Variants in TSHZ2 observed in about 807,000 individuals in gnomAD.
The protein encoded by TSHZ2 is teashirt homolog 2.
A neutral mutation model predicts 74.4 loss-of-function variants in TSHZ2; 21 were observed. The ratio of observed to expected loss-of-function variants is 0.28; its 90% CI spans 0.20 to 0.41. The LOEUF (loss-of-function observed/expected upper bound fraction) is 0.41. Among genes scored for constraint, TSHZ2 ranks in the 10% least tolerant of loss-of-function variants. The pLI, the probability that TSHZ2 is intolerant of heterozygous loss-of-function variation, is 1.00. For missense variants in TSHZ2, 1,244 were observed against 1,293.5 expected (o/e 0.96, Z 0.59); for synonymous variants, 540 against 515.3 (o/e 1.05, Z -0.65).
intron 1 of TSHZ2, among the ~76,000 whole-genome samples, 198 bp from the exon 2 acceptor site, chr20:53,253,301 G>GAAAAA (rs11290209): frequency 9.2e-5 from 9 of 97,586 alleles, no homozygotes; most frequent in East Asian, 7.7e-4. Context: ...CCTGCCAATT[G>GAAAAA]AAAAAAAAAA....
At chr20:53,172,932 T>G (rs1435087365) in intron 1 of TSHZ2, among the ~76,000 whole-genome samples, 1 of 152,202 alleles carries the variant, frequency 6.6e-6, no homozygotes, top group African/African-American at 2.4e-5. Context: ...CTCTGTGGGT[T>G]TGAATCTACT....
At position 53,088,055 on chromosome 20, in the gene TSHZ2, T is replaced by C. The variant is rs555765201; in HGVS notation, c.40+114722T>C. ...ACCCCATGTCTGTCTTCAAGATGAA[T>C]TCAGCTTCCTGCTCTGTTGTCCCAT... On this transcript the variant is annotated intron_variant, in intron 1 of 2. Coordinates refer to ENST00000371497, the MANE Select transcript of TSHZ2 (RefSeq NM_173485.6). Among the ~76,000 whole-genome samples the C allele has an allele frequency of 3.9e-5, 6 of 152,360 alleles. No individual in the cohort carries two copies. In the South Asian group the frequency reaches 1.2e-3, roughly 32 times the overall value.
At chr20:53,458,952 T>C (rs1985231836) in intron 2 of TSHZ2, among the ~76,000 whole-genome samples, 1 of 152,230 alleles carries the variant, frequency 6.6e-6, no homozygotes, top group Admixed American at 6.5e-5. Context: ...TTCTGTTCTT[T>C]TACATTTGCT....
chr20:53,121,264 T>G (rs1986802414), intron 1 of TSHZ2, among the ~76,000 whole-genome samples: 1 of 152,188 alleles, frequency 6.6e-6, no homozygotes, highest in Admixed American at 6.5e-5. Flanking sequence ...TGTCTTCCTT[T>G]AGAACTCATA....
chr20:53,111,088 T>C (rs1173442633), intron 1 of TSHZ2, among the ~76,000 whole-genome samples: 1 of 152,008 alleles, frequency 6.6e-6, no homozygotes, highest in African/African-American at 2.4e-5. Context: ...AGGCAGGAGA[T>C]AAAGATTCAA....
chr20:53,175,236 G>A (rs1230877754), intron 1 of TSHZ2, among the ~76,000 whole-genome samples: 1 of 141,130 alleles, frequency 7.1e-6, no homozygotes, highest in Admixed American at 7.5e-5. Flanking sequence ...CCTCTTCCCA[G>A]GTTAAAGCAA....
Position 53,254,744 on chromosome 20 carries a change from T to G in TSHZ2, c.1286T>G (p.Met429Arg). ...TTAGACCCGTTAGCAGTGGAGAAAATGCAGTCGTTGTCTGAGGCCCCAAAC... is the reference window on the plus strand; with the variant it reads ...TTAGACCCGTTAGCAGTGGAGAAAAGGCAGTCGTTGTCTGAGGCCCCAAAC... The part of the protein sequence containing the change: ...LVLDPLAVEK[M>R]QSLSEAPNSD... Residue 429 changes from methionine (M) to arginine (R), a missense_variant, in exon 2 of 3, where the codon ATG (methionine) becomes AGG (arginine). Around this residue, in one of 6 missense-constraint regions of TSHZ2, gnomAD observed 562 missense variants for 544.0 expected, o/e 1.03. Coordinates refer to ENST00000371497, the MANE Select transcript of TSHZ2 (RefSeq NM_173485.6). The G allele has an allele frequency of 6.2e-7, 1 of 1,613,444 alleles. No homozygotes were observed. Among genetic ancestry groups the G allele is most frequent in the African/African-American group, 1.3e-5 (1 of 74,960 alleles).
chr20:53,431,528 A>G (rs1461619762), intron 2 of TSHZ2, among the ~76,000 whole-genome samples: 1 of 152,078 alleles, frequency 6.6e-6, no homozygotes, highest in Non-Finnish European at 1.5e-5. Flanking sequence ...TAGTAATAAT[A>G]ACAATCCCTA....
At chr20:53,067,488 TTCTC>T (rs1345443417) in intron 1 of TSHZ2, among the ~76,000 whole-genome samples, 2 of 152,172 alleles carry the variant, frequency 1.3e-5, no homozygotes, top group Non-Finnish European at 2.9e-5. Context: ...AAAGTAACCT[TTCTC>T]TTTCTAGCCC....
chr20:53,116,850 T>TAGC (rs1481077731), intron 1 of TSHZ2, among the ~76,000 whole-genome samples: 2 of 152,174 alleles, frequency 1.3e-5, no homozygotes, highest in Admixed American at 1.3e-4. Flanking sequence ...TGGGCTACTA[T>TAGC]AGCAAGAACC....
At chr20:53,078,489 T>TG (rs1985434522) in intron 1 of TSHZ2, among the ~76,000 whole-genome samples, 1 of 152,202 alleles carries the variant, frequency 6.6e-6, no homozygotes, top group Admixed American at 6.5e-5. Context: ...CTGGCATATT[T>TG]GGGATCATGT....
chr20:53,073,437 C>T (rs1043613249), intron 1 of TSHZ2, among the ~76,000 whole-genome samples: 18 of 152,086 alleles, frequency 1.2e-4, no homozygotes, highest in African/African-American at 3.1e-4. Context: ...TCTATCCCTC[C>T]ATCCATCCAT....
At chr20:53,187,930 C>A (rs1363258969) in intron 1 of TSHZ2, among the ~76,000 whole-genome samples, 1 of 152,048 alleles carries the variant, frequency 6.6e-6, no homozygotes, top group African/African-American at 2.4e-5. Flanking sequence ...ACCCTTAAAC[C>A]ACCCGCCTCC....
chr20:53,345,811 C>A (rs1441320740), intron 2 of TSHZ2, among the ~76,000 whole-genome samples: 1 of 151,776 alleles, frequency 6.6e-6, no homozygotes, highest in Admixed American at 6.6e-5. Flanking sequence ...TCCTGCCACC[C>A]CTAAGGCGGT....
intron 2 of TSHZ2, among the ~76,000 whole-genome samples, chr20:53,324,530 A>G (rs769553980): frequency 6.6e-6 from 1 of 152,074 alleles, no homozygotes; most frequent in African/African-American, 2.4e-5. Context: ...GGTATGCATC[A>G]CTATGTCTAA....
At chr20:53,420,196 G>T (rs1430386240) in intron 2 of TSHZ2, among the ~76,000 whole-genome samples, 1 of 152,216 alleles carries the variant, frequency 6.6e-6, no homozygotes, top group Admixed American at 6.5e-5. Context: ...TGGTGGCAGG[G>T]TGGGAAAACA....
intron 2 of TSHZ2, among the ~76,000 whole-genome samples, chr20:53,422,996 T>G (rs1212217157): frequency 6.6e-6 from 1 of 151,528 alleles, no homozygotes; most frequent in Admixed American, 6.6e-5. Flanking sequence ...ATTTTATAGA[T>G]GAGAAAACAG....
At chr20:53,167,782 G>T (rs191035968) in intron 1 of TSHZ2, among the ~76,000 whole-genome samples, 1 of 152,164 alleles carries the variant, frequency 6.6e-6, no homozygotes, top group East Asian at 1.9e-4. Context: ...GTCAATGCAC[G>T]CTCCCACTGG....
intron 1 of TSHZ2, among the ~76,000 whole-genome samples, chr20:52,988,479 A>C (rs1298151363): frequency 1.3e-5 from 2 of 152,308 alleles, no homozygotes; most frequent in East Asian, 3.9e-4. Context: ...CATGCTTAAC[A>C]GCACAGACTC....
Sources: allele counts gnomAD v4.1 joint callset (sites outside exome capture counted in the v4.1 genomes callset), GRCh38; gene constraint gnomAD v4.1.1; regional missense constraint gnomAD v4.1.1; transcripts MANE v1.5; gene names NCBI Gene and HGNC (gene_info 2026-07-23, HGNC 2026-07-21).